The following NAV3 variants were observed in gnomAD, a reference collection of about 807,000 sequenced individuals.
NAV3 encodes pore membrane and/or filament interacting like protein 1.
A neutral mutation model predicts 244.7 loss-of-function variants in NAV3; 87 were observed. The ratio of observed to expected loss-of-function variants is 0.36; its 90% CI spans 0.30 to 0.42. The LOEUF is 0.42. Ranked by LOEUF, NAV3 falls within the 20% of genes least tolerant of loss-of-function variation. NAV3 has a pLI of 1.00. For missense variants in NAV3, 2,663 were observed against 2,893.3 expected (o/e 0.92, Z 1.83); for synonymous variants, 1,126 against 1,042.2 (o/e 1.08, Z -1.55).
chr12:77,855,832 C>G lies in NAV3; in HGVS notation c.243+24128C>G, dbSNP rs551379395. Among the ~76,000 whole-genome samples, 311 of 152,296 alleles carry G rather than the reference C, an allele frequency of 2.0e-3. 1 individual carries two copies. The highest frequency in any genetic ancestry group is 7.2e-3 in the African/African-American group (299 of 41,568). Reference sequence around the variant, plus strand: ...CACATTGCAGATACGTGAGTGAGCCCAGCCAAACTCAGAAGAAGGAACTCC... The same window carrying G: ...CACATTGCAGATACGTGAGTGAGCCGAGCCAAACTCAGAAGAAGGAACTCC... On this transcript the variant is annotated intron_variant, in intron 1 of 39. Transcript: ENST00000397909.
chr12:78,025,468 C>T (rs1877873026), intron 9 of NAV3, among the ~76,000 whole-genome samples: 5 of 151,614 alleles, frequency 3.3e-5, no homozygotes, highest in Admixed American at 3.3e-4. Flanking sequence ...CGGTGGCAGA[C>T]ACCTGTAGTC....
rs1956865599 is a variant in NAV3 at position 78,146,397 on chromosome 12, A to C, written c.4707+5A>C. The C allele has an allele frequency of 2.8e-6, 3 of 1,090,708 alleles. No homozygotes were observed. In the Admixed American group the frequency reaches 7.8e-5, roughly 28 times the overall value. The allele number at this position is 1,090,708 out of a possible 1,614,324, so 67.6% of individuals were successfully genotyped here. A position where few individuals can be genotyped will look rare whatever the true frequency, so the allele number is the denominator to read the frequency against. On this transcript the variant is annotated splice_donor_5th_base_variant and intron_variant, in intron 21 of 39. Transcript: ENST00000397909. ...GAAGAAAAGGCTCATTCAGAGGTAAAAAAAAAATATGCAATATTTTAATAT... is the reference window on the plus strand; with the variant it reads ...GAAGAAAAGGCTCATTCAGAGGTAACAAAAAAATATGCAATATTTTAATAT...
chr12:78,068,875 T>C (rs1317152278), intron 12 of NAV3, among the ~76,000 whole-genome samples: 4 of 151,738 alleles, frequency 2.6e-5, no homozygotes, highest in Admixed American at 1.3e-4. Context: ...CTTTTCATGA[T>C]GAGAGATATC....
At chr12:78,205,419 T>C (rs1273846853) in intron 39 of NAV3, among the ~76,000 whole-genome samples, 1 of 151,990 alleles carries the variant, frequency 6.6e-6, no homozygotes, top group African/African-American at 2.4e-5. Flanking sequence ...TAAATAAATA[T>C]AATTTTCTAT....
At chr12:77,947,383 T>C (rs1404457152) in intron 3 of NAV3, 1 of 151,436 alleles carries the variant, frequency 6.6e-6, no homozygotes, top group Non-Finnish European at 1.5e-5. Context: ...TTTCAGCTAC[T>C]GCTTGTAATC....
At chr12:78,148,139 A>G (rs2139212160) in intron 21 of NAV3, among the ~76,000 whole-genome samples, 1 of 152,230 alleles carries the variant, frequency 6.6e-6, no homozygotes, top group South Asian at 2.1e-4. Flanking sequence ...TTATCTAATT[A>G]GTTGCACCTA....
upstream of NAV3, among the ~76,000 whole-genome samples, chr12:77,827,570 T>C (rs555085725): frequency 6.6e-6 from 1 of 152,302 alleles, no homozygotes; most frequent in Middle Eastern, 3.4e-3. Context: ...ACAACCAATT[T>C]ATTTCATTTT....
intron 1 of NAV3, among the ~76,000 whole-genome samples, chr12:77,913,969 G>C (rs1886875994): frequency 9.4e-6 from 1 of 106,624 alleles, no homozygotes; most frequent in South Asian, 2.7e-4. Context: ...AATGTTGACT[G>C]TCCTTTTTTT....
chr12:77,775,358 C>T (rs918056020), intron 2 of NAV3, among the ~76,000 whole-genome samples: 2 of 150,750 alleles, frequency 1.3e-5, no homozygotes, highest in African/African-American at 4.9e-5. Flanking sequence ...CACCATTGTA[C>T]TCCAGCATGG....
intron 2 of NAV3, among the ~76,000 whole-genome samples, chr12:77,665,128 G>C (rs1262126868): frequency 6.6e-6 from 1 of 152,092 alleles, no homozygotes; most frequent in Non-Finnish European, 1.5e-5. Flanking sequence ...TTTTGGAGTG[G>C]GGATACTTGA....
intron 2 of NAV3, among the ~76,000 whole-genome samples, chr12:77,665,553 C>T (rs189067263): frequency 3.9e-5 from 6 of 152,166 alleles, no homozygotes; most frequent in Admixed American, 2.6e-4. Context: ...AAAAACTTCC[C>T]GTATCTTGGG....
At chr12:77,692,062 G>T (rs1875058244) in intron 2 of NAV3, among the ~76,000 whole-genome samples, 1 of 151,896 alleles carries the variant, frequency 6.6e-6, no homozygotes, top group African/African-American at 2.4e-5. Context: ...TTGTATAAAG[G>T]TTTCTCTAGT....
chr12:77,853,680 T>TA (rs962157782), intron 1 of NAV3, among the ~76,000 whole-genome samples: 3 of 151,908 alleles, frequency 2.0e-5, no homozygotes, highest in Non-Finnish European at 4.4e-5. Context: ...TATCTCTATT[T>TA]AAAAAAAAGC....
chr12:78,039,217 A>G (rs1402268651), intron 9 of NAV3, among the ~76,000 whole-genome samples: 1 of 152,146 alleles, frequency 6.6e-6, no homozygotes, highest in Non-Finnish European at 1.5e-5. Context: ...GAATATATCT[A>G]CGCCCACAGC....
intron 2 of NAV3, among the ~76,000 whole-genome samples, chr12:77,711,003 A>T (rs1876084624): frequency 6.6e-6 from 1 of 152,230 alleles, no homozygotes; most frequent in African/African-American, 2.4e-5. Flanking sequence ...CAATGACCTT[A>T]TAAAACAAGC....
At chr12:78,078,399 T>C (rs1953166685) in intron 12 of NAV3, among the ~76,000 whole-genome samples, 4 of 85,562 alleles carry the variant, frequency 4.7e-5, no homozygotes, top group Non-Finnish European at 7.7e-5. Context: ...TTTTTTTTTT[T>C]TTTTTTTTTT....
At chr12:77,874,394 A>T (rs1725963) in intron 1 of NAV3, among the ~76,000 whole-genome samples, 38,768 of 151,386 alleles carry the variant, frequency 0.26, 5,197 homozygotes, top group African/African-American at 0.34. Context: ...AATTTTTTTT[A>T]AATTTTTTAT....
chr12:77,748,262 G>T (rs921897928), intron 2 of NAV3, among the ~76,000 whole-genome samples: 7 of 152,104 alleles, frequency 4.6e-5, no homozygotes, highest in Non-Finnish European at 5.9e-5. Flanking sequence ...TGTCATGGTG[G>T]TTCCTCTATA....
rs1292324863 is a variant in NAV3 at position 78,007,370 on chromosome 12, A to G, written c.1832A>G (p.Asn611Ser). The G allele has an allele frequency of 1.1e-5, 18 of 1,614,182 alleles. No homozygotes were observed. The highest frequency in any genetic ancestry group is 1.5e-5 in the Non-Finnish European group (18 of 1,180,014). The change falls in exon 8 of 40, where the codon AAT (asparagine) becomes AGT (serine). Residue 611 changes from asparagine to serine, a missense_variant. By Grantham distance (46) the Asn-to-Ser change is conservative (BLOSUM62 1). Around this residue, in one of 6 missense-constraint regions of NAV3, gnomAD observed 1,521 missense variants for 1,497.0 expected, o/e 1.02. Coordinates refer to ENST00000397909, the MANE Select transcript of NAV3 (RefSeq NM_001024383.2). ...VAQSSGQSTG[N>S]GAVQLPQQQQ... ...CAAAGCAGTGGGCAGAGCACAGGAA[A>G]TGGTGCTGTCCAACTCCCTCAACAG...
Sources: gnomAD v4.1 joint callset for allele counts (sites outside exome capture counted in the v4.1 genomes callset) on GRCh38, gnomAD v4.1.1 for gene constraint, gnomAD v4.1.1 regional missense constraint, MANE v1.5 for transcripts, NCBI Gene and HGNC (gene_info 2026-07-23, HGNC 2026-07-21) for gene names.